The following AGBL4 variants were observed in gnomAD, a reference collection of about 807,000 sequenced individuals.
AGBL4 encodes AGBL carboxypeptidase 4.
A neutral mutation model predicts 66.4 loss-of-function variants in AGBL4; 58 were observed. The observed-to-expected ratio is 0.87, with a 90% CI of 0.71 to 1.09. AGBL4 has a LOEUF of 1.09. Ranked by LOEUF, AGBL4 falls within the 50% of genes least tolerant of loss-of-function variation. The pLI, the probability that AGBL4 is intolerant of heterozygous loss-of-function variation, is 0.00. For missense variants in AGBL4, 579 were observed against 631.0 expected (o/e 0.92, Z 0.88); for synonymous variants, 234 against 222.9 (o/e 1.05, Z -0.44).
At chr1:49,903,287 T>C (rs928580827) in intron 1 of AGBL4, among the ~76,000 whole-genome samples, 1 of 151,984 alleles carries the variant, frequency 6.6e-6, no homozygotes, top group Non-Finnish European at 1.5e-5. Context: ...CGCTTATAAG[T>C]GGGGTCTAAA....
intron 1 of AGBL4, among the ~76,000 whole-genome samples, chr1:49,855,808 A>T (rs1362796167): frequency 6.6e-6 from 1 of 152,168 alleles, no homozygotes; most frequent in East Asian, 1.9e-4. Context: ...AAGCAGAAAG[A>T]TTTTAACAAT....
intron 5 of AGBL4, among the ~76,000 whole-genome samples, chr1:48,885,737 G>A (rs894134214): frequency 2.1e-4 from 32 of 152,080 alleles, no homozygotes; most frequent in African/African-American, 7.2e-4. Context: ...ACCATCATGG[G>A]TGCCTAGAGG....
rs139595538 is a variant in AGBL4, at chr1:48,801,424, T to G, written c.634+65767A>C. 1.9e-3 allele frequency among the ~76,000 whole-genome samples: 284 copies of G among 152,358 alleles called. 2 individuals are homozygous for G. Among genetic ancestry groups the G allele is most frequent in the African/African-American group, 6.6e-3 (273 of 41,596 alleles). ...GTTTAGTTGGAATCTTCTTTCACCTTGTGACCCCTCCCTAGTTTCTCTGGC... is the reference window on the plus strand; with the variant it reads ...GTTTAGTTGGAATCTTCTTTCACCTGGTGACCCCTCCCTAGTTTCTCTGGC... On this transcript the variant is annotated intron_variant, in intron 6 of 13. Transcript: ENST00000371839.
intron 4 of AGBL4, among the ~76,000 whole-genome samples, chr1:49,151,993 C>T (rs1470352099): frequency 6.7e-6 from 1 of 150,358 alleles, no homozygotes; most frequent in South Asian, 2.1e-4. Context: ...GACAATAAGA[C>T]TTAAAAAAAA....
intron 3 of AGBL4, among the ~76,000 whole-genome samples, chr1:49,486,859 G>C (rs539519636): frequency 1.3e-5 from 2 of 152,082 alleles, no homozygotes; most frequent in South Asian, 2.1e-4. Context: ...CTGAAGTTAA[G>C]AAATAGAGCA....
chr1:49,128,606 C>G (rs1645814324), intron 4 of AGBL4, among the ~76,000 whole-genome samples: 1 of 151,920 alleles, frequency 6.6e-6, no homozygotes, highest in Admixed American at 6.6e-5. Context: ...GCCAAAATAA[C>G]TTAATAAGGA....
chr1:48,565,933 T>C (rs1365303044), intron 11 of AGBL4, among the ~76,000 whole-genome samples: 3 of 152,158 alleles, frequency 2.0e-5, no homozygotes, highest in Admixed American at 6.5e-5. Context: ...GACTGGGGAA[T>C]GAAGTATGGG....
At chr1:48,755,516 A>C (rs982481714) in intron 6 of AGBL4, among the ~76,000 whole-genome samples, 5 of 152,214 alleles carry the variant, frequency 3.3e-5, no homozygotes, top group African/African-American at 1.2e-4. Flanking sequence ...AATGAGGCCC[A>C]GGGGGCAGAG....
chr1:48,935,937 T>G, intron 5 of AGBL4, among the ~76,000 whole-genome samples: 1 of 112,694 alleles, frequency 8.9e-6, no homozygotes, highest in African/African-American at 3.4e-5. Flanking sequence ...CCAGCCTGGG[T>G]GACAGAGCGA....
intron 3 of AGBL4, among the ~76,000 whole-genome samples, chr1:49,692,554 T>C (rs950256398): frequency 1.3e-5 from 2 of 151,972 alleles, no homozygotes; most frequent in Admixed American, 1.3e-4. Flanking sequence ...CCGACTCTAC[T>C]AAAAATACAA....
At chr1:49,594,316 T>C (rs1644810341) in intron 3 of AGBL4, among the ~76,000 whole-genome samples, 1 of 152,192 alleles carries the variant, frequency 6.6e-6, no homozygotes, top group African/African-American at 2.4e-5. Context: ...CATTTGTTAA[T>C]TTCTGGATTT....
chr1:49,799,132 A>C (rs1257775173), intron 2 of AGBL4, among the ~76,000 whole-genome samples: 1 of 152,186 alleles, frequency 6.6e-6, no homozygotes, highest in Non-Finnish European at 1.5e-5. Flanking sequence ...TGTGCATTGC[A>C]AACGTCTCGC....
In AGBL4 at chr1:50,023,949, G is replaced by C. The variant is rs1662649284; in HGVS notation, c.-153C>G. The C allele has an allele frequency of 1.3e-6, 1 of 752,582 alleles. No homozygotes were observed. Among genetic ancestry groups the C allele is most frequent in the Non-Finnish European group, 2.0e-6 (1 of 502,072 alleles). The allele number at this position is 752,582 out of a possible 1,614,324, so 46.6% of individuals were successfully genotyped here. A position where few individuals can be genotyped will look rare whatever the true frequency, so the allele number is the denominator to read the frequency against. Reference sequence around the variant, plus strand: ...CGGCAGGCGCGCGGGTGGCCGGCGCGCGGCTGAGGGCGGGAGGGACGCCTG... The same window carrying C: ...CGGCAGGCGCGCGGGTGGCCGGCGCCCGGCTGAGGGCGGGAGGGACGCCTG... On this transcript the variant is annotated 5_prime_UTR_variant, in exon 1 of 14. Transcript: ENST00000371839.
chr1:49,458,989 T>C (rs559705041), intron 3 of AGBL4, among the ~76,000 whole-genome samples: 1 of 151,778 alleles, frequency 6.6e-6, no homozygotes, highest in East Asian at 1.9e-4. Flanking sequence ...TTTTTGAATC[T>C]ATGTTCATCA....
At chr1:49,546,404 A>T (rs1161475631) in intron 3 of AGBL4, among the ~76,000 whole-genome samples, 1 of 151,568 alleles carries the variant, frequency 6.6e-6, no homozygotes, top group African/African-American at 2.4e-5. Context: ...GTCTTTATTC[A>T]ATTGTCGATT....
chr1:49,123,892 C>A (rs1273356441), intron 4 of AGBL4, among the ~76,000 whole-genome samples: 1 of 152,184 alleles, frequency 6.6e-6, no homozygotes, highest in African/African-American at 2.4e-5. Flanking sequence ...CTCCTGGCTT[C>A]TTCTTTTTCC....
At chr1:49,727,762 A>G (rs1649141061) in intron 2 of AGBL4, among the ~76,000 whole-genome samples, 1 of 152,160 alleles carries the variant, frequency 6.6e-6, no homozygotes, top group East Asian at 1.9e-4. Context: ...TCCATCTTAG[A>G]AGCCAATAGT....
intron 3 of AGBL4, among the ~76,000 whole-genome samples, chr1:49,639,270 G>T (rs1255901560): frequency 6.6e-6 from 1 of 152,134 alleles, no homozygotes; most frequent in Non-Finnish European, 1.5e-5. Context: ...ATCAAAATTG[G>T]AAGACAATAT....
chr1:48,726,478 A>G (rs568594050), intron 6 of AGBL4, among the ~76,000 whole-genome samples: 1 of 152,242 alleles, frequency 6.6e-6, no homozygotes, highest in Non-Finnish European at 1.5e-5. Context: ...TTACTTTGTG[A>G]AATGAGTTAA....
Sources: gnomAD v4.1 joint callset for allele counts (sites outside exome capture counted in the v4.1 genomes callset) on GRCh38, gnomAD v4.1.1 for gene constraint, MANE v1.5 for transcripts, NCBI Gene and HGNC (gene_info 2026-07-23, HGNC 2026-07-21) for gene names.